The following IQCK variants were observed in gnomAD, a reference collection of about 807,000 sequenced individuals.
The protein encoded by IQCK is IQ motif containing K, also known as IQ domain-containing protein K.
A neutral mutation model predicts 28.1 loss-of-function variants in IQCK; 29 were observed. The ratio of observed to expected loss-of-function variants is 1.03; its 90% CI spans 0.77 to 1.41. The LOEUF is 1.41. Ranked by LOEUF, IQCK falls within the 40% of genes most tolerant of loss-of-function variation. The pLI is 0.00. For missense variants in IQCK, 359 were observed against 314.7 expected (o/e 1.14, Z -1.07); for synonymous variants, 113 against 115.1 (o/e 0.98, Z 0.12).
chr16:19,736,023 G>A (rs976289320), intron 4 of IQCK: 3 of 441,072 alleles, frequency 6.8e-6, no homozygotes, highest in African/African-American at 6.1e-5. Flanking sequence ...CCATGATCAC[G>A]TCACTGCACT....
intron 7 of IQCK, among the ~76,000 whole-genome samples, chr16:19,810,232 C>T (rs1311060194): frequency 6.6e-5 from 10 of 152,300 alleles, no homozygotes; most frequent in African/African-American, 2.4e-4. Context: ...CGCGGTGGCT[C>T]ATGCCTGTAA....
Position 19,738,630 on chromosome 16 carries a change from T to G in IQCK, c.474+3180T>G, listed in dbSNP as rs1476949644. Among the ~76,000 whole-genome samples the G allele has an allele frequency of 2.6e-5, 4 of 152,272 alleles. No individual in the cohort carries two copies. In the East Asian group the frequency reaches 7.7e-4, roughly 29 times the overall value. On this transcript the variant is annotated intron_variant, in intron 4 of 7. Transcript: ENST00000564186. Reference sequence around the variant, plus strand: ...CTGATCATAGCACCTGCTCATGGGATTATTATGCCGATGAAATGAGGTAGC... The same window carrying G: ...CTGATCATAGCACCTGCTCATGGGAGTATTATGCCGATGAAATGAGGTAGC...
intron 6 of IQCK, among the ~76,000 whole-genome samples, chr16:19,769,370 G>GTCTCTAAGCCTCCA (rs2055286904): frequency 6.6e-6 from 1 of 152,164 alleles, no homozygotes; most frequent in East Asian, 1.9e-4. Context: ...GTTCCTTATT[G>GTCTCTAAGCCTCCA]GTAAATGTGG....
At chr16:19,767,870 A>C (rs544779855) in intron 6 of IQCK, among the ~76,000 whole-genome samples, 2 of 151,854 alleles carry the variant, frequency 1.3e-5, no homozygotes, top group South Asian at 4.2e-4. Flanking sequence ...ACAGAGCGAG[A>C]CTCCATCTCA....
chr16:19,743,788 G>A (rs1290472939), intron 4 of IQCK, among the ~76,000 whole-genome samples: 2 of 152,224 alleles, frequency 1.3e-5, no homozygotes, highest in Non-Finnish European at 2.9e-5. Context: ...CATGAAAGAT[G>A]GGTCTGGAGG....
intron 7 of IQCK, among the ~76,000 whole-genome samples, chr16:19,799,245 C>T (rs6497405): frequency 2.9e-5 from 3 of 105,010 alleles, no homozygotes; most frequent in Non-Finnish European, 1.6e-5. Context: ...TTTAATTCTT[C>T]TATGGTATAT....
intron 9 of IQCK, among the ~76,000 whole-genome samples, chr16:19,855,421 T>C (rs2056546906): frequency 6.6e-6 from 1 of 152,034 alleles, no homozygotes; most frequent in Non-Finnish European, 1.5e-5. Flanking sequence ...GGGAAACCCA[T>C]CTCTACTAAA....
intron 3 of IQCK, chr16:19,734,066 TAGGAAAAGAGAAC>T (rs1567535486): frequency 2.4e-6 from 1 of 416,918 alleles, no homozygotes; most frequent in Non-Finnish European, 4.3e-6. Context: ...AAATAAAAAG[TAGGAAAAGAGAAC>T]AGTAAACACA....
At chr16:19,770,252 A>G (rs116106539) in intron 6 of IQCK, among the ~76,000 whole-genome samples, 17 of 152,334 alleles carry the variant, frequency 1.1e-4, no homozygotes, top group African/African-American at 4.1e-4. Context: ...GTGTAAGTGT[A>G]ACAATGACTT....
intron 9 of IQCK, among the ~76,000 whole-genome samples, chr16:19,851,755 G>C (rs746827552): frequency 3.9e-5 from 6 of 152,174 alleles, no homozygotes; most frequent in African/African-American, 1.4e-4. Flanking sequence ...CGAGGCATCT[G>C]TCTGTTGGTG....
At chr16:19,753,262 A>AC (rs1555515848) in intron 4 of IQCK, among the ~76,000 whole-genome samples, 2 of 150,428 alleles carry the variant, frequency 1.3e-5, no homozygotes, top group Admixed American at 1.3e-4. Flanking sequence ...AAAAAAAAAA[A>AC]TTTTTGAAAA....
At chr16:19,773,541 A>G (rs1172482465) in intron 6 of IQCK, among the ~76,000 whole-genome samples, 3 of 152,140 alleles carry the variant, frequency 2.0e-5, no homozygotes, top group Non-Finnish European at 4.4e-5. Context: ...AAACTTTTCT[A>G]TAGAGGATAG....
At chr16:19,829,461 C>T (rs533834182), downstream of IQCK, among the ~76,000 whole-genome samples, 1 of 152,238 alleles carries the variant, frequency 6.6e-6, no homozygotes, top group Middle Eastern at 3.4e-3. Context: ...CTCAGCCTCC[C>T]AAGTAGCTGG....
chr16:19,785,831 G>T (rs1373305210), intron 6 of IQCK, among the ~76,000 whole-genome samples: 1 of 152,158 alleles, frequency 6.6e-6, no homozygotes, highest in East Asian at 1.9e-4. Context: ...CTCCCACACT[G>T]CAGAGTGTAC....
At chr16:19,847,412 T>A (rs762881288) in intron 9 of IQCK, among the ~76,000 whole-genome samples, 2 of 152,154 alleles carry the variant, frequency 1.3e-5, no homozygotes, top group Non-Finnish European at 1.5e-5. Context: ...TGTGCATGAA[T>A]CCAACCCAAC....
intron 4 of IQCK, among the ~76,000 whole-genome samples, chr16:19,762,432 T>TC (rs2151708501): frequency 6.6e-6 from 1 of 152,298 alleles, no homozygotes; most frequent in South Asian, 2.1e-4. Context: ...ATCCTGCAAT[T>TC]CCAAAAGCAT....
At chr16:19,845,213 T>C (rs1441213157) in intron 9 of IQCK, among the ~76,000 whole-genome samples, 1 of 152,230 alleles carries the variant, frequency 6.6e-6, no homozygotes, top group Non-Finnish European at 1.5e-5. Context: ...TAAGTACAGA[T>C]TGAAATAATT....
chr16:19,769,474 T>C (rs1597541768), intron 6 of IQCK, among the ~76,000 whole-genome samples: 2 of 152,322 alleles, frequency 1.3e-5, no homozygotes, highest in East Asian at 3.9e-4. Flanking sequence ...TAGTGGTTTA[T>C]TGCCATTGGT....
At chr16:19,780,692 G>A (rs1040812661) in intron 6 of IQCK, among the ~76,000 whole-genome samples, 8 of 152,204 alleles carry the variant, frequency 5.3e-5, no homozygotes, top group Non-Finnish European at 7.3e-5. Flanking sequence ...CATAGTATCT[G>A]TGAGTTTGTC....
Sources: gnomAD v4.1 joint callset for allele counts (sites outside exome capture counted in the v4.1 genomes callset) on GRCh38, gnomAD v4.1.1 for gene constraint, MANE v1.5 for transcripts, NCBI Gene and HGNC (gene_info 2026-07-23, HGNC 2026-07-21) for gene names.